BCL9L: variants seen among roughly 807,000 people sequenced by gnomAD.
BCL9L encodes BCL9 like, also known as B-cell CLL/lymphoma 9-like protein.
Under a neutral mutation model 99.4 loss-of-function variants are expected in BCL9L, and 19 were observed. That is an observed-to-expected ratio of 0.19 (90% CI 0.13 to 0.28). BCL9L has a LOEUF of 0.28. BCL9L is among the 10% of genes least tolerant of loss of function. The pLI is 1.00. For synonymous variants in BCL9L, 900 were observed against 854.8 expected (o/e 1.05, Z -0.92); for missense variants, 2,023 against 2,101.6 (o/e 0.96, Z 0.73).
At chr11:118,916,250 G>A (rs1294032025) in intron 2 of BCL9L, among the ~76,000 whole-genome samples, 2 of 152,310 alleles carry the variant, frequency 1.3e-5, no homozygotes, top group East Asian at 3.9e-4. Flanking sequence ...TACCAAGCCA[G>A]AGAGAGCACC....
chr11:118,922,703 C>A lies in BCL9L; in HGVS notation c.-131+2535G>T, dbSNP rs948460930. Among the ~76,000 whole-genome samples, 1 of 152,066 alleles carries A rather than the reference C, an allele frequency of 6.6e-6. No individual in the cohort carries two copies. Among genetic ancestry groups the A allele is most frequent in the South Asian group, 2.1e-4 (1 of 4,822 alleles). On this transcript the variant is annotated intron_variant, in intron 1 of 9. Transcript: ENST00000683865. The surrounding 1 kb of genome is among the most constrained non-coding windows in gnomAD (Gnocchi z 6.2). ...TCCCCCTTCTGCCCCCTCCCCCCAT[C>A]GGAGGTCAGCACCCGGGCAGTGCCC...
rs1261595972 is a variant in BCL9L at position 118,913,504 on chromosome 11, G to GGGAA, written c.-76-3490_-76-3489insTTCC. Among the ~76,000 whole-genome samples, 61 of 152,204 alleles carry GGGAA rather than the reference G, an allele frequency of 4.0e-4. 2 individuals are homozygous for GGGAA. Among genetic ancestry groups the GGGAA allele is most frequent in the Admixed American group, 1.3e-4 (2 of 15,284 alleles). ...GGGCCTTGGGAAGCAATCATGGCCT[G>GGGAA]GCAGTGGGGTGCCCCCAAAGACAGC... On this transcript the variant is annotated intron_variant, in intron 2 of 9. Coordinates refer to ENST00000683865, the MANE Select transcript of BCL9L (RefSeq NM_001378213.1).
chr11:118,907,801 T>C (rs1940589976), intron 4 of BCL9L, among the ~76,000 whole-genome samples, 199 bp from the exon 5 acceptor site: 2 of 152,132 alleles, frequency 1.3e-5, no homozygotes, highest in Non-Finnish European at 2.9e-5. Flanking sequence ...CCCATGCCTG[T>C]CTCCCCTCCC....
rs370828369 is a variant in BCL9L, at chr11:118,908,359, T to C, written c.323A>G (p.Lys108Arg). 6.2e-7 allele frequency: 1 copy of C among 1,613,304 alleles called. No homozygotes were observed. The highest frequency in any genetic ancestry group is 8.5e-7 in the Non-Finnish European group (1 of 1,179,594). ...QAGVPPFSSL[K>R]GKVKRDRSVS... is the part of the protein sequence containing the mutation. ...ACTCCGGTCCCTCTTCACCTTGCCC[T>C]TGAGCGAGCTGAAAGGGGGCACCCC... The change falls in exon 4 of 10, where the codon AAG becomes AGG. Residue 108 changes from lysine (K) to arginine (R), a missense_variant. Around this residue, in one of 3 missense-constraint regions of BCL9L, gnomAD observed 1,116 missense variants for 1,194.6 expected, o/e 0.93. Transcript: ENST00000683865.
rs1940909326 is a variant in BCL9L, at chr11:118,914,614, CCTCT to C, written c.-77+4208_-77+4211del. Reference sequence around the variant, plus strand: ...GATGAGACAGGATGTATGCCTGTGACCTCTGCAGGGAGACAGAAGGCCACACGGG... The same window carrying C: ...GATGAGACAGGATGTATGCCTGTGACGCAGGGAGACAGAAGGCCACACGGG... On this transcript the variant is annotated intron_variant, in intron 2 of 9. Transcript: ENST00000683865. This position sits in a 1 kb window ranked among gnomAD's most constrained non-coding sequence, Gnocchi z 4.4. 6.6e-3 allele frequency among the ~76,000 whole-genome samples: 1 copy of C among 152 alleles called. No individual in the cohort carries two copies. Among genetic ancestry groups the C allele is most frequent in the Non-Finnish European group, 0.013 (1 of 80 alleles). The allele number at this position is 152 out of a possible 152,430, so 0.1% of individuals were successfully genotyped here.
intron 9 of BCL9L, 125 bp downstream of exon 9, chr11:118,899,792 G>T (rs1328908958): frequency 1.5e-6 from 2 of 1,345,714 alleles, no homozygotes; most frequent in Admixed American, 2.5e-5. Context: ...ACAGCATCCC[G>T]GAGCCTCCAC....
chr11:118,905,346 T>C (rs140372185), intron 5 of BCL9L, among the ~76,000 whole-genome samples: 66 of 152,052 alleles, frequency 4.3e-4, no homozygotes, highest in African/African-American at 1.5e-3. Context: ...CCATCTCTAC[T>C]AAAAATACAA....
At position 118,901,668 on chromosome 11, in the gene BCL9L, T is replaced by C. The variant is rs1413491924; in HGVS notation, c.2075A>G (p.Gln692Arg). The change falls in exon 8 of 10, where the codon CAG becomes CGG. Residue 692 changes from glutamine (Q) to arginine (R), a missense_variant. Physicochemically the swap from Gln to Arg is conservative, Grantham distance 43. Around this residue, in one of 3 missense-constraint regions of BCL9L, gnomAD observed 1,116 missense variants for 1,194.6 expected, o/e 0.93. Transcript: ENST00000683865. This position sits in a 1 kb window ranked among gnomAD's most constrained non-coding sequence, Gnocchi z 6.6. ...QLLEKRSMGMQRPLGMAGSGM... is the reference protein window; with the variant it reads ...QLLEKRSMGMRRPLGMAGSGM... ...ACTGCCTGCCATGCCCAGGGGGCGC[T>C]GCATGCCCATCGACCGCTTCTCCAG... 1.2e-6 allele frequency: 2 copies of C among 1,613,748 alleles called. No individual in the cohort carries two copies. The highest frequency in any genetic ancestry group is 1.7e-6 in the Non-Finnish European group (2 of 1,180,030).
At chr11:118,913,947 G>C (rs1940887187) in intron 2 of BCL9L, among the ~76,000 whole-genome samples, 1 of 152,154 alleles carries the variant, frequency 6.6e-6, no homozygotes. Context: ...AGCCAGTAGG[G>C]CAGGCAGTGG....
In BCL9L at chr11:118,901,353, G is replaced by A. The variant is rs376199165; in HGVS notation, c.2390C>T (p.Ser797Leu). 25 of 1,613,706 alleles carry A rather than the reference G, an allele frequency of 1.5e-5. No homozygotes were observed. Among genetic ancestry groups the A allele is most frequent in the Non-Finnish European group, 2.0e-5 (24 of 1,179,972 alleles). The change falls in exon 8 of 10, where the codon TCG (serine) becomes TTG (leucine). Residue 797 changes from serine (S) to leucine (L), a missense_variant. By Grantham distance (145) the Ser-to-Leu change is moderately radical. This residue lies in a region of BCL9L where 1,116 missense variants were observed against 1,194.6 expected (regional missense o/e 0.93). Coordinates refer to ENST00000683865, the MANE Select transcript of BCL9L (RefSeq NM_001378213.1). This position sits in a 1 kb window ranked among gnomAD's most constrained non-coding sequence, Gnocchi z 6.6. ...GTCCCCAGGGCCCCGCATCTTCTGC[G>A]ACATCAGCATCTGCTGCTGCGGGGT... ...QMTPQQQMLMSQKMRGPGDLM... is the reference protein window; with the variant it reads ...QMTPQQQMLMLQKMRGPGDLM...
chr11:118,906,506 T>C (rs968596524), intron 5 of BCL9L, among the ~76,000 whole-genome samples: 4 of 152,168 alleles, frequency 2.6e-5, no homozygotes, highest in Admixed American at 6.5e-5. Context: ...TCCTCTGTAA[T>C]TGGCATCATG....
In BCL9L at chr11:118,897,918, A is replaced by C; in HGVS notation, c.*497T>G. 2.2e-6 allele frequency: 1 copy of C among 451,666 alleles called. No homozygotes were observed. The highest frequency in any genetic ancestry group is 4.4e-6 in the Non-Finnish European group (1 of 226,372). The allele number at this position is 451,666 out of a possible 1,614,324, so 28.0% of individuals were successfully genotyped here. ...GAGGGGTCAGCCACATCAGCAGGGA[A>C]AGGATACGAAGCAGGTAAAGACAGA... is the stretch of plus-strand genomic sequence containing the variant. On this transcript the variant is annotated 3_prime_UTR_variant, in exon 10 of 10. Coordinates refer to ENST00000683865, the MANE Select transcript of BCL9L (RefSeq NM_001378213.1).
In BCL9L at chr11:118,899,018, A is replaced by G; in HGVS notation, c.3897T>C (p.Pro1299=). The change falls in exon 10 of 10, where the codon CCT becomes CCC. Residue 1299 remains proline, a synonymous_variant. Coordinates refer to ENST00000683865, the MANE Select transcript of BCL9L (RefSeq NM_001378213.1). The part of the protein sequence containing the change: ...MGDAYPPGVL[P]GVASVLNDPE... ...GGTCGTTCAGCACTGATGCCACCCC[A>G]GGGAGCACACCCGGTGGGTATGCGT... The G allele has an allele frequency of 6.2e-7, 1 of 1,613,736 alleles. No individual in the cohort carries two copies. The highest frequency in any genetic ancestry group is 8.5e-7 in the Non-Finnish European group (1 of 1,179,942).
intron 5 of BCL9L, among the ~76,000 whole-genome samples, chr11:118,907,057 G>C (rs1940552227): frequency 6.6e-6 from 1 of 152,186 alleles, no homozygotes; most frequent in Non-Finnish European, 1.5e-5. Context: ...GAGTCAATTA[G>C]AGGTTAGGGA....
rs1211571563 is a variant in BCL9L, at chr11:118,898,589, C to T, written c.4326G>A (p.Gly1442=). The T allele has an allele frequency of 5.0e-6, 8 of 1,611,482 alleles. No homozygotes were observed. The highest frequency in any genetic ancestry group is 6.8e-6 in the Non-Finnish European group (8 of 1,179,382). The change falls in exon 10 of 10, where the codon GGG becomes GGA. Residue 1442 remains glycine, a synonymous_variant. Transcript: ENST00000683865. ...GGGGCGGCTGGCTGTAGACCTCGCCCCCCACGCCCCGCTGCTTCATCAGCA... is the reference window on the plus strand; with the variant it reads ...GGGGCGGCTGGCTGTAGACCTCGCCTCCCACGCCCCGCTGCTTCATCAGCA... ...NFMLMKQRGV[G]GEVYSQPPHM...
intron 2 of BCL9L, among the ~76,000 whole-genome samples, chr11:118,918,199 G>A (rs958408137): frequency 1.3e-5 from 2 of 152,202 alleles, no homozygotes; most frequent in African/African-American, 2.4e-5. Context: ...GCCCTCAGGC[G>A]TGTTTGTTGT....
chr11:118,907,151 A>G (rs1940555403), intron 5 of BCL9L, among the ~76,000 whole-genome samples: 1 of 152,140 alleles, frequency 6.6e-6, no homozygotes, highest in African/African-American at 2.4e-5. Context: ...CCCGGCTCCC[A>G]GTGTCCCTGG....
In BCL9L at chr11:118,907,828, A is replaced by G. The variant is rs1404971068; in HGVS notation, c.413-226T>C. 1.3e-5 allele frequency among the ~76,000 whole-genome samples: 2 copies of G among 152,310 alleles called. 1 individual carries two copies. ...TCCCCTCCCCCCCAACACCAAGTAC[A>G]GCATAATCCCCAACCACAACTGGTT... On this transcript the variant is annotated intron_variant, in intron 4 of 9. Transcript: ENST00000683865.
intron 9 of BCL9L, 99 bp from the exon 10 acceptor site, chr11:118,899,607 A>G: frequency 6.8e-7 from 1 of 1,461,646 alleles, no homozygotes; most frequent in African/African-American, 1.4e-5. Flanking sequence ...GGGGTGCCAG[A>G]GGTCAAAGTC....
Sources: gnomAD v4.1 joint callset for allele counts (sites outside exome capture counted in the v4.1 genomes callset) on GRCh38, gnomAD v4.1.1 for gene constraint, gnomAD v4.1.1 regional missense constraint, Gnocchi (gnomAD v3.1) non-coding constraint, MANE v1.5 for transcripts, NCBI Gene and HGNC (gene_info 2026-07-23, HGNC 2026-07-21) for gene names.